Variants in CNTN1 observed in about 807,000 individuals in gnomAD.
CNTN1 encodes contactin-1.
In CNTN1, 38 loss-of-function variants were observed where a neutral mutation model predicts 126.4. That is an observed-to-expected ratio of 0.30 (90% CI 0.23 to 0.39). The LOEUF is 0.39. Ranked by LOEUF, CNTN1 falls within the 10% of genes least tolerant of loss-of-function variation. The pLI is 1.00. For synonymous variants in CNTN1, 413 were observed against 422.6 expected (o/e 0.98, Z 0.28); for missense variants, 1,009 against 1,248.4 (o/e 0.81, Z 2.89).
chr12:40,941,973 G>A (rs1480260674), intron 12 of CNTN1, among the ~76,000 whole-genome samples: 1 of 151,920 alleles, frequency 6.6e-6, no homozygotes, highest in African/African-American at 2.4e-5. Context: ...TAAATGAGAC[G>A]AATGACACAT....
At position 40,764,951 on chromosome 12, in the gene CNTN1, A is replaced by G. The variant is rs139571909; in HGVS notation, c.-77+72359A>G. On this transcript the variant is annotated intron_variant, in intron 1 of 23. Coordinates refer to ENST00000551295, the MANE Select transcript of CNTN1 (RefSeq NM_001843.4). ...TAAATTTCCATTGAGATTAGAGAACATATTTTATTTTATCTGTGAGTCTGC... is the reference window on the plus strand; with the variant it reads ...TAAATTTCCATTGAGATTAGAGAACGTATTTTATTTTATCTGTGAGTCTGC... Among the ~76,000 whole-genome samples, 511 of 152,288 alleles carry G rather than the reference A, an allele frequency of 3.4e-3. 3 individuals are homozygous for G. Among genetic ancestry groups the G allele is most frequent in the Non-Finnish European group, 5.7e-3 (386 of 68,020 alleles).
At chr12:41,005,813 T>C (rs1948478261) in intron 17 of CNTN1, among the ~76,000 whole-genome samples, 1 of 152,066 alleles carries the variant, frequency 6.6e-6, no homozygotes, top group African/African-American at 2.4e-5. Context: ...TTTCTGTCAG[T>C]TCCTTCATTG....
At chr12:41,029,367 T>G in intron 23 of CNTN1, 148 bp downstream of exon 23, 2 of 886,600 alleles carry the variant, frequency 2.3e-6, no homozygotes, top group Non-Finnish European at 3.7e-6. Flanking sequence ...TGAAACTTGG[T>G]ATTTCTCCTC....
At chr12:40,890,404 A>G (rs1592212157) in intron 1 of CNTN1, among the ~76,000 whole-genome samples, 1 of 152,134 alleles carries the variant, frequency 6.6e-6, no homozygotes, top group Non-Finnish European at 1.5e-5. Context: ...TGTACATCCT[A>G]TGGATTTGCA....
intron 1 of CNTN1, among the ~76,000 whole-genome samples, chr12:40,705,011 A>G (rs1320601960): frequency 2.6e-5 from 4 of 152,212 alleles, no homozygotes; most frequent in African/African-American, 4.8e-5. Flanking sequence ...CTCTGATAAC[A>G]TTATATATTG....
At chr12:40,786,759 A>G (rs1032796847) in intron 1 of CNTN1, among the ~76,000 whole-genome samples, 2 of 152,158 alleles carry the variant, frequency 1.3e-5, no homozygotes, top group Admixed American at 1.3e-4. Context: ...AATTGGACTG[A>G]TAACTTCTAA....
At chr12:40,852,233 C>T (rs1057365684) in intron 1 of CNTN1, among the ~76,000 whole-genome samples, 1 of 152,168 alleles carries the variant, frequency 6.6e-6, no homozygotes, top group African/African-American at 2.4e-5. Flanking sequence ...GCAAACAGGG[C>T]TGTCAGACCC....
At position 40,933,976 on chromosome 12, in the gene CNTN1, A is replaced by T. The variant is rs1945989316; in HGVS notation, c.985+98A>T. 8 of 910,164 alleles carry T rather than the reference A, an allele frequency of 8.8e-6. No individual in the cohort carries two copies. The South Asian group carries it at 8.9e-5, about 10-fold the overall frequency. The allele number at this position is 910,164 out of a possible 1,614,324, so 56.4% of individuals were successfully genotyped here. On this transcript the variant is annotated intron_variant, in intron 9 of 23. Coordinates refer to ENST00000551295, the MANE Select transcript of CNTN1 (RefSeq NM_001843.4). ...CTACTATATAATGATTAATGGTTTT[A>T]AAAACAGTGATGCATGTTACATCAT...
At chr12:40,983,085 T>C (rs1755985463) in intron 16 of CNTN1, among the ~76,000 whole-genome samples, 1 of 152,122 alleles carries the variant, frequency 6.6e-6, no homozygotes, top group South Asian at 2.1e-4. Context: ...GAACTTAAAG[T>C]ATAATAAAAT....
chr12:40,966,563 G>A (rs899525103), intron 15 of CNTN1, among the ~76,000 whole-genome samples: 2 of 152,124 alleles, frequency 1.3e-5, no homozygotes, highest in African/African-American at 4.8e-5. Flanking sequence ...AAAATTTAAA[G>A]TCAGAACTTA....
At position 41,066,124 on chromosome 12, in the gene CNTN1, T is replaced by C. The variant is rs1398030822; in HGVS notation, c.2981-3835T>C. 8.5e-5 allele frequency among the ~76,000 whole-genome samples: 13 copies of C among 152,308 alleles called. No individual in the cohort carries two copies. In the East Asian group the frequency reaches 1.9e-3, roughly 23 times the overall value. ...TAGACCTCGGAAGAATAAAAAATAA[T>C]GTCGGACCAGGACTAGTTGGAGGAC... On this transcript the variant is annotated intron_variant, in intron 23 of 23. Coordinates refer to ENST00000551295, the MANE Select transcript of CNTN1 (RefSeq NM_001843.4).
At chr12:41,003,338 G>C (rs774082375) in intron 17 of CNTN1, among the ~76,000 whole-genome samples, 80 of 152,024 alleles carry the variant, frequency 5.3e-4, no homozygotes, top group Admixed American at 1.1e-3. Flanking sequence ...TGCTGGATTT[G>C]GTTTGCCAGT....
intron 1 of CNTN1, among the ~76,000 whole-genome samples, chr12:40,794,023 T>C (rs1940318008): frequency 6.6e-6 from 1 of 152,056 alleles, no homozygotes; most frequent in Non-Finnish European, 1.5e-5. Flanking sequence ...CTAGTAAGTG[T>C]TCCACAATTC....
Position 40,779,530 on chromosome 12 carries a change from G to A in CNTN1, c.-77+86938G>A, listed in dbSNP as rs576592204. 8.5e-4 allele frequency among the ~76,000 whole-genome samples: 129 copies of A among 151,976 alleles called. 1 individual carries two copies. The highest frequency in any genetic ancestry group is 3.3e-3 in the South Asian group (16 of 4,822). On this transcript the variant is annotated intron_variant, in intron 1 of 23. Transcript: ENST00000551295. ...TAATTTTTTTATTGAGCTTTCCGAA[G>A]TCCTAAACATCAGTGGCCAGGGATT...
intron 19 of CNTN1, 62 bp downstream of exon 19, chr12:41,016,978 A>T (rs1178370677): frequency 7.2e-7 from 1 of 1,394,026 alleles, no homozygotes; most frequent in East Asian, 2.3e-5. Context: ...TCTAGCAGGC[A>T]TTTAGTTTGT....
At chr12:40,886,418 C>A (rs1236529092) in intron 1 of CNTN1, among the ~76,000 whole-genome samples, 1 of 151,988 alleles carries the variant, frequency 6.6e-6, no homozygotes, top group Non-Finnish European at 1.5e-5. Context: ...ATTAAAAGGG[C>A]TTATGGCTGT....
chr12:40,935,784 T>C (rs1393064810), intron 9 of CNTN1, among the ~76,000 whole-genome samples: 1 of 152,066 alleles, frequency 6.6e-6, no homozygotes, highest in Non-Finnish European at 1.5e-5. Context: ...TTAAGATATA[T>C]AGGTGTACAT....
chr12:40,827,454 T>A (rs1941652063), intron 1 of CNTN1, among the ~76,000 whole-genome samples: 1 of 152,180 alleles, frequency 6.6e-6, no homozygotes, highest in Non-Finnish European at 1.5e-5. Flanking sequence ...TAGCCACATA[T>A]TTTCTCTTTC....
chr12:40,865,138 ATCT>A (rs1186623872), intron 1 of CNTN1, among the ~76,000 whole-genome samples: 16 of 152,212 alleles, frequency 1.1e-4, no homozygotes, highest in African/African-American at 3.9e-4. Context: ...CCATCTGTGT[ATCT>A]TCTTTGGAGA....
Sources: gnomAD v4.1 joint callset for allele counts (sites outside exome capture counted in the v4.1 genomes callset) on GRCh38, gnomAD v4.1.1 for gene constraint, MANE v1.5 for transcripts, NCBI Gene and HGNC (gene_info 2026-07-23, HGNC 2026-07-21) for gene names.